ITPR1: variants seen among roughly 807,000 people sequenced by gnomAD.
ITPR1 encodes inositol 1,4,5-trisphosphate receptor type 1.
In ITPR1, 96 loss-of-function variants were observed where a neutral mutation model predicts 318.4. The observed-to-expected ratio is 0.30, with a 90% CI of 0.26 to 0.36. The LOEUF (loss-of-function observed/expected upper bound fraction) is 0.36, where lower values mean the gene tolerates loss of function less well. Ranked by LOEUF, ITPR1 falls within the 10% of genes least tolerant of loss-of-function variation. The pLI is 1.00. For missense variants in ITPR1, 2,440 were observed against 3,460.2 expected (o/e 0.71, Z 7.40); for synonymous variants, 1,312 against 1,289.9 (o/e 1.02, Z -0.37).
intron 4 of ITPR1, among the ~76,000 whole-genome samples, chr3:4,574,247 G>A (rs931785848): frequency 6.7e-6 from 1 of 149,420 alleles, no homozygotes; most frequent in Non-Finnish European, 1.5e-5. Context: ...TTCAGGGATT[G>A]ATGGGAATTA....
chr3:4,580,479 A>G (rs566868107), intron 4 of ITPR1, among the ~76,000 whole-genome samples: 30 of 152,304 alleles, frequency 2.0e-4, no homozygotes, highest in Admixed American at 1.4e-3. Context: ...TGCCAAGCCA[A>G]TTGTTCAAAT....
chr3:4,668,680 C>A (rs889046963), intron 18 of ITPR1, among the ~76,000 whole-genome samples: 1 of 152,132 alleles, frequency 6.6e-6, no homozygotes, highest in Non-Finnish European at 1.5e-5. Context: ...ATTGGCCAGG[C>A]TGGTCTTGAA....
chr3:4,641,257 G>T (rs1197287746), intron 6 of ITPR1, among the ~76,000 whole-genome samples: 1 of 152,116 alleles, frequency 6.6e-6, no homozygotes, highest in African/African-American at 2.4e-5. Flanking sequence ...TCCCCTCTAG[G>T]TCTTCAGTCT....
intron 46 of ITPR1, among the ~76,000 whole-genome samples, chr3:4,772,349 C>T (rs978809856): frequency 4.6e-5 from 7 of 152,224 alleles, no homozygotes; most frequent in Non-Finnish European, 8.8e-5. Context: ...GGCTCGTGCC[C>T]GGAGTTGCTT....
chr3:4,818,063 C>CT lies in ITPR1; in HGVS notation c.7868-14dup. 1 of 1,583,278 alleles carries CT rather than the reference C, an allele frequency of 6.3e-7. No homozygotes were observed. Among genetic ancestry groups the CT allele is most frequent in the Non-Finnish European group, 8.6e-7 (1 of 1,159,266 alleles). On this transcript the variant is annotated intron_variant, in intron 59 of 61. Transcript: ENST00000649015. ...AAGGCTGCTCAGCTGGGGCTGGGGG[C>CT]TTTTTGTCTCATTTTTAGGCTTGGA...
At chr3:4,825,879 G>C in intron 60 of ITPR1, 1 of 448,906 alleles carries the variant, frequency 2.2e-6, no homozygotes, top group Non-Finnish European at 4.5e-6. Flanking sequence ...ATCATGATTA[G>C]ATAAGAGTAA....
chr3:4,724,190 G>A (rs1014254817), intron 40 of ITPR1, among the ~76,000 whole-genome samples: 2 of 152,184 alleles, frequency 1.3e-5, no homozygotes, highest in African/African-American at 4.8e-5. Flanking sequence ...AGGAAAGGTC[G>A]TCTGTCCAGA....
At chr3:4,834,934 G>C (rs543094116) in intron 60 of ITPR1, among the ~76,000 whole-genome samples, 1 of 152,148 alleles carries the variant, frequency 6.6e-6, no homozygotes, top group Non-Finnish European at 1.5e-5. Context: ...CAGCAGTCAC[G>C]ATAAGCAGCT....
intron 4 of ITPR1, among the ~76,000 whole-genome samples, chr3:4,578,479 A>G (rs1029443455): frequency 6.6e-6 from 1 of 151,280 alleles, no homozygotes; most frequent in Admixed American, 6.6e-5. Context: ...GAGAATTTTT[A>G]TTGTGTGTGT....
chr3:4,726,976 C>T (rs755319049), intron 41 of ITPR1, 150 bp from the exon 42 acceptor site: 18 of 615,632 alleles, frequency 2.9e-5, no homozygotes, highest in East Asian at 1.2e-4. Flanking sequence ...CATGGATATA[C>T]GGGGGAAAAA....
At chr3:4,765,132 T>C (rs1243679737) in intron 44 of ITPR1, among the ~76,000 whole-genome samples, 1 of 152,142 alleles carries the variant, frequency 6.6e-6, no homozygotes, top group Non-Finnish European at 1.5e-5. Context: ...CTTACCTTGG[T>C]TCCAGAGTGG....
intron 4 of ITPR1, among the ~76,000 whole-genome samples, chr3:4,522,900 A>T (rs2082674532): frequency 6.6e-6 from 1 of 152,222 alleles, no homozygotes; most frequent in Admixed American, 6.5e-5. Context: ...AGTGGGAGCC[A>T]TGGTTCTCAA....
intron 4 of ITPR1, among the ~76,000 whole-genome samples, chr3:4,548,700 G>T (rs967770661): frequency 6.6e-6 from 1 of 152,022 alleles, no homozygotes; most frequent in African/African-American, 2.4e-5. Context: ...TTCATTTGGG[G>T]GCTAAATTTG....
intron 13 of ITPR1, among the ~76,000 whole-genome samples, 165 bp from the exon 14 acceptor site, chr3:4,660,823 A>T (rs1167274567): frequency 3.9e-5 from 6 of 152,214 alleles, no homozygotes; most frequent in Admixed American, 3.9e-4. Context: ...ATGCATCAGA[A>T]TGTGGCTTGG....
chr3:4,684,483 A>C (rs2094356110), intron 29 of ITPR1, 137 bp downstream of exon 29: 2 of 661,042 alleles, frequency 3.0e-6, no homozygotes, highest in Non-Finnish European at 5.4e-6. Context: ...AGTAGAGCTC[A>C]GAGGTTAAGC....
At chr3:4,561,742 A>G (rs537373127) in intron 4 of ITPR1, among the ~76,000 whole-genome samples, 71 of 152,220 alleles carry the variant, frequency 4.7e-4, no homozygotes, top group African/African-American at 1.5e-3. Flanking sequence ...AATGACTTAA[A>G]GGATTTATTT....
At chr3:4,499,942 G>T (rs73807271) in intron 2 of ITPR1, among the ~76,000 whole-genome samples, 3 of 152,242 alleles carry the variant, frequency 2.0e-5, no homozygotes, top group Non-Finnish European at 2.9e-5. Context: ...CTTTGCTTAG[G>T]TGGGTGTGAG....
chr3:4,640,058 C>G (rs939183060), intron 6 of ITPR1, among the ~76,000 whole-genome samples: 1 of 152,198 alleles, frequency 6.6e-6, no homozygotes, highest in African/African-American at 2.4e-5. Context: ...CTCAGAAGAT[C>G]TCTCTGGGTC....
chr3:4,674,113 G>C lies in ITPR1; in HGVS notation c.2457-89G>C, dbSNP rs2094140591. 3.0e-6 allele frequency: 3 copies of C among 996,260 alleles called. No homozygotes were observed. The East Asian group carries it at 7.9e-5, about 26-fold the overall frequency. 61.7% of individuals were successfully genotyped at this position (996,260 alleles called of 1,614,324 possible). On this transcript the variant is annotated intron_variant, in intron 21 of 61. Coordinates refer to ENST00000649015, the MANE Select transcript of ITPR1 (RefSeq NM_001378452.1). ...GGTCAAGGGATGCCAAGGGTTAGGGGATGTTGACTTTTGAAGCTGAGTGAC... is the reference window on the plus strand; with the variant it reads ...GGTCAAGGGATGCCAAGGGTTAGGGCATGTTGACTTTTGAAGCTGAGTGAC...
Sources: allele counts gnomAD v4.1 joint callset (sites outside exome capture counted in the v4.1 genomes callset), GRCh38; gene constraint gnomAD v4.1.1; transcripts MANE v1.5; gene names NCBI Gene and HGNC (gene_info 2026-07-23, HGNC 2026-07-21).